GRM7: variants seen among roughly 807,000 people sequenced by gnomAD.
GRM7 encodes the protein metabotropic glutamate receptor 7.
Under a neutral mutation model 84.5 loss-of-function variants are expected in GRM7, and 35 were observed. That is an observed-to-expected ratio of 0.41 (90% CI 0.32 to 0.55). The LOEUF is 0.55. GRM7 is among the 20% of genes least tolerant of loss of function. The pLI is 0.19. For missense variants in GRM7, 1,003 were observed against 1,194.6 expected, an observed-to-expected ratio of 0.84 and a Z score of 2.36; for synonymous variants, 487 against 455.1, an observed-to-expected ratio of 1.07 and a Z score of -0.89.
intron 1 of GRM7, among the ~76,000 whole-genome samples, chr3:6,868,931 G>GCTGCTGA (rs1198997121): frequency 6.6e-6 from 1 of 152,106 alleles, no homozygotes; most frequent in African/African-American, 2.4e-5. Context: ...TCATTCCACG[G>GCTGCTGA]CTGCTGACTT....
At chr3:7,257,593 A>G (rs1354657258) in intron 2 of GRM7, among the ~76,000 whole-genome samples, 2 of 152,210 alleles carry the variant, frequency 1.3e-5, no homozygotes, top group Non-Finnish European at 2.9e-5. Context: ...CTTCAAATCT[A>G]TCACAGGATG....
intron 1 of GRM7, among the ~76,000 whole-genome samples, chr3:6,918,406 G>A (rs1312950177): frequency 2.0e-5 from 3 of 152,128 alleles, no homozygotes; most frequent in Non-Finnish European, 4.4e-5. Flanking sequence ...TAGGTTGGAC[G>A]TATTCTGTTC....
At chr3:7,285,473 T>TA (rs1374230511) in intron 2 of GRM7, among the ~76,000 whole-genome samples, 3 of 152,114 alleles carry the variant, frequency 2.0e-5, no homozygotes, top group Non-Finnish European at 4.4e-5. Flanking sequence ...TAATACGTAG[T>TA]AAACCTCCCA....
At chr3:7,311,604 T>TC (rs1364286271) in intron 4 of GRM7, among the ~76,000 whole-genome samples, 1 of 151,540 alleles carries the variant, frequency 6.6e-6, no homozygotes, top group Non-Finnish European at 1.5e-5. Flanking sequence ...TACATTTTTT[T>TC]TTTTTTTGGG....
At chr3:7,194,901 A>T (rs11918486) in intron 2 of GRM7, among the ~76,000 whole-genome samples, 8,030 of 152,146 alleles carry the variant, frequency 0.053, 583 homozygotes, top group African/African-American at 0.17. Context: ...TTGCTCAGGG[A>T]TTCTATGATA....
intron 1 of GRM7, among the ~76,000 whole-genome samples, chr3:6,911,211 A>G (rs1696757986): frequency 6.6e-6 from 1 of 152,018 alleles, no homozygotes; most frequent in Admixed American, 6.6e-5. Context: ...TTTTTTCTTC[A>G]TGTTTCTTGG....
intron 1 of GRM7, among the ~76,000 whole-genome samples, chr3:7,006,370 T>A (rs372512655): frequency 3.3e-4 from 50 of 152,342 alleles, no homozygotes; most frequent in African/African-American, 1.2e-3. Context: ...AAGGGAACTA[T>A]CATCTAAGAA....
At chr3:7,210,668 A>C (rs922249176) in intron 2 of GRM7, among the ~76,000 whole-genome samples, 2 of 152,212 alleles carry the variant, frequency 1.3e-5, no homozygotes, top group Admixed American at 6.5e-5. Flanking sequence ...TCAGCATCTA[A>C]GCTGATATTC....
chr3:7,603,945 T>A (rs961325096), intron 8 of GRM7, among the ~76,000 whole-genome samples: 4 of 152,194 alleles, frequency 2.6e-5, no homozygotes, highest in African/African-American at 7.2e-5. Context: ...ACACAAAAGT[T>A]GGCTTTTGCC....
intron 2 of GRM7, among the ~76,000 whole-genome samples, chr3:7,270,045 G>A (rs978875121): frequency 2.0e-5 from 3 of 152,128 alleles, no homozygotes; most frequent in African/African-American, 4.8e-5. Context: ...TAGGTCCCAC[G>A]CCCAGAGTTT....
intron 4 of GRM7, among the ~76,000 whole-genome samples, chr3:7,346,464 T>C (rs539240832): frequency 3.3e-5 from 5 of 152,276 alleles, no homozygotes; most frequent in East Asian, 1.9e-4. Context: ...GTGAATTTCA[T>C]TGGGATCACT....
intron 1 of GRM7, among the ~76,000 whole-genome samples, chr3:7,130,342 G>A (rs1223316156): frequency 6.6e-6 from 1 of 152,084 alleles, no homozygotes; most frequent in African/African-American, 2.4e-5. Context: ...AGGAGTTTGA[G>A]ACCAGTCTGG....
At chr3:6,900,222 C>G (rs1574989826) in intron 1 of GRM7, among the ~76,000 whole-genome samples, 1 of 152,172 alleles carries the variant, frequency 6.6e-6, no homozygotes, top group Non-Finnish European at 1.5e-5. Flanking sequence ...ATAGATTGAA[C>G]AACAATTTAA....
At chr3:7,240,350 T>A (rs180718632) in intron 2 of GRM7, among the ~76,000 whole-genome samples, 2 of 151,828 alleles carry the variant, frequency 1.3e-5, no homozygotes, top group Non-Finnish European at 2.9e-5. Flanking sequence ...AATTGTTTTT[T>A]TTTTAATCAG....
intron 2 of GRM7, among the ~76,000 whole-genome samples, chr3:7,283,818 CACTT>C (rs1418268645): frequency 6.6e-6 from 1 of 152,110 alleles, no homozygotes; most frequent in African/African-American, 2.4e-5. Context: ...ATACATAAAA[CACTT>C]AAGCAGGCAT....
At chr3:7,373,143 C>G (rs894781325) in intron 4 of GRM7, among the ~76,000 whole-genome samples, 2 of 152,150 alleles carry the variant, frequency 1.3e-5, no homozygotes, top group African/African-American at 2.4e-5. Context: ...AAAGCTACCA[C>G]TATCTGCTTA....
rs138893530 is a variant in GRM7 at position 7,302,266 on chromosome 3, T to A, written c.878+3441T>A. On this transcript the variant is annotated intron_variant, in intron 3 of 9. Coordinates refer to ENST00000357716, the MANE Select transcript of GRM7 (RefSeq NM_000844.4). ...TACAATTCTGGTTTAATTTTTGCAA[T>A]AAGTTTTTTTATACATACACAAATT... is the stretch of plus-strand genomic sequence containing the variant. 9.7e-3 allele frequency among the ~76,000 whole-genome samples: 1,483 copies of A among 152,274 alleles called. 11 individuals are homozygous for A. The highest frequency in any genetic ancestry group is 0.014 in the Non-Finnish European group (943 of 68,002).
chr3:7,690,170 G>A (rs1057241259), intron 9 of GRM7, among the ~76,000 whole-genome samples: 3 of 152,130 alleles, frequency 2.0e-5, no homozygotes, highest in Non-Finnish European at 4.4e-5. Flanking sequence ...GGGCTTTGAA[G>A]CATACCGTTT....
chr3:7,575,078 C>T (rs746308593), intron 7 of GRM7, among the ~76,000 whole-genome samples: 48 of 152,136 alleles, frequency 3.2e-4, no homozygotes, highest in Non-Finnish European at 5.9e-4. Context: ...TTTGCTCTTT[C>T]CCTAAACTAC....
Sources: allele counts gnomAD v4.1 joint callset (sites outside exome capture counted in the v4.1 genomes callset), GRCh38; gene constraint gnomAD v4.1.1; transcripts MANE v1.5; gene names NCBI Gene and HGNC (gene_info 2026-07-23, HGNC 2026-07-21).